The following DCC variants were observed in gnomAD, a reference collection of about 807,000 sequenced individuals.
DCC encodes DCC netrin 1 receptor.
Under a neutral mutation model 172.5 loss-of-function variants are expected in DCC, and 58 were observed. The observed-to-expected ratio is 0.34, with a 90% CI of 0.27 to 0.42. The LOEUF (loss-of-function observed/expected upper bound fraction) is 0.42. Among genes scored for constraint, DCC ranks in the 10% least tolerant of loss-of-function variants. DCC has a pLI of 1.00. For missense variants in DCC, 1,740 were observed against 1,791.0 expected, an observed-to-expected ratio of 0.97 and a Z score of 0.51; for synonymous variants, 709 against 644.5, an observed-to-expected ratio of 1.10 and a Z score of -1.52.
chr18:52,656,080 ATGTGTGTG>A (rs59549711), intron 1 of DCC, among the ~76,000 whole-genome samples: 1 of 143,550 alleles, frequency 7.0e-6, no homozygotes, highest in Non-Finnish European at 1.5e-5. Flanking sequence ...GTGTATATAT[ATGTGTGTG>A]TGTGTATATA....
At chr18:52,816,687 C>T (rs2038305027) in intron 2 of DCC, 1 of 152,082 alleles carries the variant, frequency 6.6e-6, no homozygotes, top group African/African-American at 2.4e-5. Flanking sequence ...CAGTTTATAA[C>T]TCAAAGTATA....
chr18:53,015,334 C>A (rs889421043), intron 5 of DCC, among the ~76,000 whole-genome samples: 5 of 152,144 alleles, frequency 3.3e-5, no homozygotes, highest in African/African-American at 1.2e-4. Flanking sequence ...ATGCATTTAG[C>A]CGAATTAAAC....
chr18:53,249,886 A>G (rs2056408144), intron 12 of DCC, among the ~76,000 whole-genome samples: 1 of 151,978 alleles, frequency 6.6e-6, no homozygotes, highest in Non-Finnish European at 1.5e-5. Flanking sequence ...AATGCCTTCC[A>G]GGTATGTTGC....
intron 24 of DCC, among the ~76,000 whole-genome samples, chr18:53,467,275 T>C (rs1044144022): frequency 6.6e-5 from 10 of 152,108 alleles, no homozygotes; most frequent in Non-Finnish European, 1.0e-4. Context: ...GTTTTTTTAA[T>C]ACGTATTATA....
At chr18:53,226,948 A>ATATATATATATTTTTTTTTTTT in intron 12 of DCC, among the ~76,000 whole-genome samples, 9 of 52,952 alleles carry the variant, frequency 1.7e-4, no homozygotes, top group African/African-American at 3.8e-4. Context: ...ATATATATAT[A>ATATATATATATTTTTTTTTTTT]TTTTTTTTTT....
chr18:52,502,764 A>G (rs1440147813), intron 1 of DCC, among the ~76,000 whole-genome samples: 2 of 152,200 alleles, frequency 1.3e-5, no homozygotes, highest in Non-Finnish European at 2.9e-5. Flanking sequence ...TAATTCTTCC[A>G]GGATATTCTA....
At chr18:52,407,205 C>G (rs537146066) in intron 1 of DCC, among the ~76,000 whole-genome samples, 2 of 152,128 alleles carry the variant, frequency 1.3e-5, no homozygotes, top group East Asian at 3.9e-4. Flanking sequence ...TCAGCCAGTC[C>G]TGAGTCTATC....
At chr18:52,789,512 A>G (rs1365345372) in intron 2 of DCC, among the ~76,000 whole-genome samples, 1 of 152,206 alleles carries the variant, frequency 6.6e-6, no homozygotes, top group East Asian at 1.9e-4. Flanking sequence ...AGCACTCTTT[A>G]AGAAAATTAT....
chr18:52,479,630 T>A (rs528453853), intron 1 of DCC, among the ~76,000 whole-genome samples: 1 of 138,258 alleles, frequency 7.2e-6, no homozygotes, highest in South Asian at 2.6e-4. Flanking sequence ...CAAGTGGTAC[T>A]CTCTTCCTTA....
chr18:52,458,116 G>T (rs922650584), intron 1 of DCC, among the ~76,000 whole-genome samples: 1 of 152,088 alleles, frequency 6.6e-6, no homozygotes, highest in Admixed American at 6.6e-5. Flanking sequence ...GTCCTTGGTG[G>T]TCCAAATTTT....
intron 24 of DCC, among the ~76,000 whole-genome samples, chr18:53,459,664 T>G (rs147557681): frequency 5.3e-4 from 80 of 152,322 alleles, no homozygotes; most frequent in African/African-American, 1.9e-3. Flanking sequence ...ATTTTAATAA[T>G]TCTTTTATAA....
intron 1 of DCC, among the ~76,000 whole-genome samples, chr18:52,366,269 A>G (rs1984847554): frequency 6.6e-6 from 1 of 152,278 alleles, no homozygotes; most frequent in Non-Finnish European, 1.5e-5. Flanking sequence ...TGAGTGTTAC[A>G]GCTCTTAAAA....
rs2046529309 is a variant in DCC, at chr18:53,531,925, G to A, written c.*1272G>A. 1 of 152,140 alleles carries A rather than the reference G, an allele frequency of 6.6e-6. No individual in the cohort carries two copies. Among genetic ancestry groups the A allele is most frequent in the Non-Finnish European group, 1.5e-5 (1 of 68,038 alleles). 9.4% of individuals were successfully genotyped at this position (152,140 alleles called of 1,614,324 possible). ...TTTTCAAAGCAGCATCTTAAACTGT[G>A]GACTACAGTTTTAAACTTCTATTGC... On this transcript the variant is annotated 3_prime_UTR_variant, in exon 29 of 29. Transcript: ENST00000442544.
Position 52,357,799 on chromosome 18 carries a change from G to C in DCC, c.91+16921G>C, listed in dbSNP as rs187236417. ...AAAATACAAAAAAAATTAGCTGGGCGTGGTGGCGGGTGCCTGTAGTCCCAG... is the reference window on the plus strand; with the variant it reads ...AAAATACAAAAAAAATTAGCTGGGCCTGGTGGCGGGTGCCTGTAGTCCCAG... On this transcript the variant is annotated intron_variant, in intron 1 of 28. Coordinates refer to ENST00000442544, the MANE Select transcript of DCC (RefSeq NM_005215.4). Among the ~76,000 whole-genome samples, 5 of 151,962 alleles carry C rather than the reference G, an allele frequency of 3.3e-5. No individual in the cohort carries two copies. The South Asian group carries it at 8.3e-4, about 25-fold the overall frequency.
chr18:53,209,458 A>G (rs1381597114), intron 11 of DCC, among the ~76,000 whole-genome samples: 1 of 152,164 alleles, frequency 6.6e-6, no homozygotes, highest in African/African-American at 2.4e-5. Context: ...TTAATTAAAA[A>G]ATGACTTTAG....
intron 15 of DCC, among the ~76,000 whole-genome samples, chr18:53,373,715 T>C (rs1490617971): frequency 3.9e-5 from 6 of 152,186 alleles, no homozygotes; most frequent in Admixed American, 2.6e-4. Flanking sequence ...TATACTCAAA[T>C]GCACAACAAA....
At chr18:53,105,397 C>G (rs1402091488) in intron 7 of DCC, among the ~76,000 whole-genome samples, 2 of 151,982 alleles carry the variant, frequency 1.3e-5, no homozygotes, top group African/African-American at 4.8e-5. Context: ...TCGGAAAGAT[C>G]TTAGTCACAG....
chr18:52,965,255 T>G lies in DCC; in HGVS notation c.985+39885T>G, dbSNP rs193190645. The G allele has an allele frequency of 2.0e-5, 3 of 152,268 alleles. No individual in the cohort carries two copies. The East Asian group carries it at 5.8e-4, about 29-fold the overall frequency. 9.4% of individuals were successfully genotyped at this position (152,268 alleles called of 1,614,324 possible). A position where few individuals can be genotyped will look rare whatever the true frequency, so the allele number is the denominator to read the frequency against. On this transcript the variant is annotated intron_variant, in intron 5 of 28. Transcript: ENST00000442544. ...CCATAAATATTATCTCAGAGAAGAC[T>G]GTAAGGACAAGGTTCTTGAAGAAAC...
intron 1 of DCC, among the ~76,000 whole-genome samples, chr18:52,416,108 T>C (rs1354783909): frequency 1.3e-5 from 2 of 152,230 alleles, no homozygotes; most frequent in South Asian, 2.1e-4. Context: ...ACATCTTTAT[T>C]TCTGCCTTCA....
Sources: gnomAD v4.1 joint callset for allele counts (sites outside exome capture counted in the v4.1 genomes callset) on GRCh38, gnomAD v4.1.1 for gene constraint, MANE v1.5 for transcripts, NCBI Gene and HGNC (gene_info 2026-07-23, HGNC 2026-07-21) for gene names.